The following RASGRP1 variants were observed in gnomAD, a reference collection of about 807,000 sequenced individuals.
The protein encoded by RASGRP1 is RAS guanyl releasing protein 1.
RASGRP1 carries 37 observed loss-of-function variants against 95.1 expected under a neutral mutation model. That is an observed-to-expected ratio of 0.39 (90% CI 0.30 to 0.51). The LOEUF is 0.51. Among genes scored for constraint, RASGRP1 ranks in the 20% least tolerant of loss-of-function variants. The pLI, the probability that RASGRP1 is intolerant of heterozygous loss-of-function variation, is 0.80. For synonymous variants in RASGRP1, 325 were observed against 353.4 expected, an observed-to-expected ratio of 0.92 and a Z score of 0.90; for missense variants, 711 against 965.4, an observed-to-expected ratio of 0.74 and a Z score of 3.49.
intron 2 of RASGRP1, among the ~76,000 whole-genome samples, chr15:38,535,840 G>C (rs1892621424): frequency 6.6e-6 from 1 of 152,206 alleles, no homozygotes; most frequent in African/African-American, 2.4e-5. Flanking sequence ...CTTGGGGATT[G>C]CAGTCTCGAT....
At chr15:38,558,290 C>T (rs751488186) in intron 2 of RASGRP1, among the ~76,000 whole-genome samples, 12 of 152,092 alleles carry the variant, frequency 7.9e-5, no homozygotes, top group Admixed American at 6.5e-4. Context: ...TTTATCTCCT[C>T]GCAGTATATT....
chr15:38,536,386 G>A (rs1434050202), intron 2 of RASGRP1, among the ~76,000 whole-genome samples: 2 of 152,210 alleles, frequency 1.3e-5, no homozygotes, highest in South Asian at 4.1e-4. Flanking sequence ...TAAACAAACT[G>A]GGAAGAAAAT....
chr15:38,512,169 A>G (rs1199498934), intron 7 of RASGRP1, among the ~76,000 whole-genome samples: 1 of 152,218 alleles, frequency 6.6e-6, no homozygotes, highest in Non-Finnish European at 1.5e-5. Context: ...GAGTTGGAGA[A>G]AGATATTATT....
chr15:38,512,997 G>A, intron 6 of RASGRP1, 41 bp from the exon 7 acceptor site: 1 of 1,443,976 alleles, frequency 6.9e-7, no homozygotes, highest in Non-Finnish European at 9.1e-7. Context: ...AAACCTATCA[G>A]TACTGTACTC....
chr15:38,490,570 T>C lies in RASGRP1; in HGVS notation c.2378A>G (p.Gln793Arg). 1 of 1,613,260 alleles carries C rather than the reference T, an allele frequency of 6.2e-7. No homozygotes were observed. The highest frequency in any genetic ancestry group is 8.5e-7 in the Non-Finnish European group (1 of 1,179,462). The change falls in exon 17 of 17, where the codon CAG becomes CGG. Residue 793 changes from glutamine to arginine, a missense_variant. Gln to Arg is a conservative substitution (Grantham distance 43). Coordinates refer to ENST00000310803, the MANE Select transcript of RASGRP1 (RefSeq NM_005739.4). ...GTTTCTGGGCTAAGAACAGTCACCC[T>C]GCTCCATTTGAGCTAAGACATGATT... ...KSNHVLAQME[Q>R]GDCS
intron 2 of RASGRP1, among the ~76,000 whole-genome samples, chr15:38,532,632 G>T (rs897641821): frequency 2.6e-5 from 4 of 152,160 alleles, no homozygotes; most frequent in Non-Finnish European, 4.4e-5. Flanking sequence ...ACAGGTAAGT[G>T]GTTGTCTGGC....
chr15:38,496,228 T>C (rs1188591799), intron 15 of RASGRP1, among the ~76,000 whole-genome samples: 2 of 152,234 alleles, frequency 1.3e-5, no homozygotes, highest in Non-Finnish European at 2.9e-5. Flanking sequence ...ATAGTCATTT[T>C]TGCCATTATA....
At chr15:38,491,278 A>AT (rs1214183786) in intron 16 of RASGRP1, among the ~76,000 whole-genome samples, 1 of 152,176 alleles carries the variant, frequency 6.6e-6, no homozygotes, top group Non-Finnish European at 1.5e-5. Context: ...CCAAGAGAAT[A>AT]TTATATATAG....
intron 13 of RASGRP1, 46 bp downstream of exon 13, chr15:38,501,097 C>G (rs374461890): frequency 5.2e-6 from 8 of 1,541,294 alleles, no homozygotes; most frequent in African/African-American, 4.1e-5. Flanking sequence ...AAGTATCCCA[C>G]ACTCTTCCCC....
chr15:38,564,300 G>A (rs1459107382), intron 1 of RASGRP1, among the ~76,000 whole-genome samples: 1 of 152,166 alleles, frequency 6.6e-6, no homozygotes, highest in Non-Finnish European at 1.5e-5. Flanking sequence ...GAAGTCGGCG[G>A]GCGGGCGCCG....
chr15:38,563,810 T>C (rs1893910456), intron 1 of RASGRP1, among the ~76,000 whole-genome samples: 1 of 152,196 alleles, frequency 6.6e-6, no homozygotes, highest in South Asian at 2.1e-4. Flanking sequence ...CTGCCGCTAC[T>C]GGGTATGGTG....
intron 14 of RASGRP1, among the ~76,000 whole-genome samples, chr15:38,499,633 A>G (rs1431210891): frequency 6.6e-6 from 1 of 152,198 alleles, no homozygotes; most frequent in Non-Finnish European, 1.5e-5. Flanking sequence ...CTATGCTGAG[A>G]AGTTGTGGAC....
chr15:38,536,557 G>C (rs1032691339), intron 2 of RASGRP1, among the ~76,000 whole-genome samples: 3 of 152,066 alleles, frequency 2.0e-5, no homozygotes, highest in African/African-American at 7.2e-5. Context: ...AATAATATAA[G>C]GCCCATCTGA....
intron 2 of RASGRP1, among the ~76,000 whole-genome samples, chr15:38,557,601 A>ATGTGTGTGTGTGTGTG (rs5812045): frequency 8.7e-4 from 126 of 145,384 alleles, no homozygotes; most frequent in South Asian, 2.2e-4. Context: ...TTGTATATAT[A>ATGTGTGTGTGTGTGTG]TGTGTGTGTG....
In RASGRP1 at chr15:38,516,275, C is replaced by A; in HGVS notation, c.597G>T (p.Leu199=). The change falls in exon 6 of 17, where the codon CTG becomes CTT. Residue 199 remains leucine, a synonymous_variant. Coordinates refer to ENST00000310803, the MANE Select transcript of RASGRP1 (RefSeq NM_005739.4). The part of the protein sequence containing the change: ...SNTSKKRKVS[L]LFDHLEPEEL... ...CTTCTGGTTCCAGATGGTCAAAGAGCAGGGAGACTTTCCGTTTCTTGCTGG... is the reference window on the plus strand; with the variant it reads ...CTTCTGGTTCCAGATGGTCAAAGAGAAGGGAGACTTTCCGTTTCTTGCTGG... 1.2e-6 allele frequency: 2 copies of A among 1,603,638 alleles called. No individual in the cohort carries two copies. Among genetic ancestry groups the A allele is most frequent in the Non-Finnish European group, 1.7e-6 (2 of 1,170,570 alleles).
chr15:38,505,926 G>T lies in RASGRP1; in HGVS notation c.1243-6C>A. The T allele has an allele frequency of 6.3e-7, 1 of 1,598,706 alleles. No individual in the cohort carries two copies. The highest frequency in any genetic ancestry group is 8.6e-7 in the Non-Finnish European group (1 of 1,169,144). On this transcript the variant is annotated splice_region_variant and splice_polypyrimidine_tract_variant and intron_variant, in intron 9 of 16. Transcript: ENST00000310803. ...TAGTAAAGATCCAGGGATAACTGCA[G>T]ATCAAAGCAGAACAGGGTTCATTGC...
Position 38,526,337 on chromosome 15 carries a change from G to T in RASGRP1, c.288C>A (p.Val96=), listed in dbSNP as rs1435640246. The part of the protein sequence containing the change: ...LQVMLTMHRI[V]ISSAELLQKV... ...TTTGGAGCAGTTCTGCAGAGGAGAT[G>T]ACAATTCGGTGCATGGTCAGCATGA... The change falls in exon 3 of 17, where the codon GTC becomes GTA. Residue 96 remains valine, a synonymous_variant. Coordinates refer to ENST00000310803, the MANE Select transcript of RASGRP1 (RefSeq NM_005739.4). 9.9e-6 allele frequency: 16 copies of T among 1,613,304 alleles called. No homozygotes were observed. The highest frequency in any genetic ancestry group is 1.4e-5 in the Non-Finnish European group (16 of 1,179,424).
chr15:38,517,667 A>G (rs1336413688), intron 5 of RASGRP1, among the ~76,000 whole-genome samples: 2 of 152,104 alleles, frequency 1.3e-5, no homozygotes, highest in Non-Finnish European at 1.5e-5. Flanking sequence ...CTAGAATTCT[A>G]TTTCTTAGGG....
chr15:38,501,398 A>C, intron 12 of RASGRP1, 111 bp from the exon 13 acceptor site: 1 of 1,261,784 alleles, frequency 7.9e-7, no homozygotes, highest in Non-Finnish European at 1.1e-6. Flanking sequence ...CTCAGTGGTA[A>C]TATGGTATGT....
Sources: allele counts gnomAD v4.1 joint callset (sites outside exome capture counted in the v4.1 genomes callset), GRCh38; gene constraint gnomAD v4.1.1; transcripts MANE v1.5; gene names NCBI Gene and HGNC (gene_info 2026-07-23, HGNC 2026-07-21).